Variants in NR3C2 observed in about 807,000 individuals in gnomAD.
NR3C2 encodes the protein mineralocorticoid receptor.
In NR3C2, 15 loss-of-function variants were observed where a neutral mutation model predicts 86.4. The observed-to-expected ratio is 0.17, with a 90% CI of 0.12 to 0.27. NR3C2 has a LOEUF of 0.27. Ranked by LOEUF, NR3C2 falls within the 10% of genes least tolerant of loss-of-function variation. The pLI, the probability that NR3C2 is intolerant of heterozygous loss-of-function variation, is 1.00. For missense variants in NR3C2, 960 were observed against 1,195.6 expected (o/e 0.80, Z 2.91); for synonymous variants, 458 against 450.5 (o/e 1.02, Z -0.21).
At chr4:148,349,475 A>C (rs61761524) in intron 2 of NR3C2, among the ~76,000 whole-genome samples, 1 of 152,144 alleles carries the variant, frequency 6.6e-6, no homozygotes. Context: ...AAAGAAAAGA[A>C]ATTGTACTCA....
At chr4:148,163,905 G>A (rs192092697) in intron 4 of NR3C2, among the ~76,000 whole-genome samples, 1 of 152,176 alleles carries the variant, frequency 6.6e-6, no homozygotes, top group Non-Finnish European at 1.5e-5. Flanking sequence ...GTGACTTATT[G>A]TAATGACATG....
chr4:148,241,333 AG>A (rs67086243), intron 3 of NR3C2, among the ~76,000 whole-genome samples: 12,851 of 91,120 alleles, frequency 0.14, 4,382 homozygotes, highest in Non-Finnish European at 0.19. Flanking sequence ...AAAAAAAAAA[AG>A]GGGAAAAATA....
At chr4:148,352,139 C>T (rs936207743) in intron 2 of NR3C2, among the ~76,000 whole-genome samples, 5 of 152,104 alleles carry the variant, frequency 3.3e-5, no homozygotes, top group South Asian at 2.1e-4. Flanking sequence ...ATGTATTTTG[C>T]GACATAAGTC....
chr4:148,093,361 C>T (rs7661326), intron 8 of NR3C2, among the ~76,000 whole-genome samples: 2,708 of 152,306 alleles, frequency 0.018, 37 homozygotes, highest in Middle Eastern at 0.034. Context: ...CCTTGCTGCA[C>T]ATCTGGGGCC....
At chr4:148,083,710 G>A (rs924664571) in intron 8 of NR3C2, among the ~76,000 whole-genome samples, 3 of 152,108 alleles carry the variant, frequency 2.0e-5, no homozygotes, top group African/African-American at 7.2e-5. Flanking sequence ...ACAGAAGTAG[G>A]CTTCAGAAGG....
chr4:148,134,639 CTCTCT>C (rs1233988098), intron 6 of NR3C2, among the ~76,000 whole-genome samples: 5 of 58,056 alleles, frequency 8.6e-5, no homozygotes, highest in Admixed American at 6.9e-4. Flanking sequence ...CTCTCTCTCT[CTCTCT>C]TTTTTTTTTT....
At chr4:148,209,335 G>A (rs959937542) in intron 3 of NR3C2, among the ~76,000 whole-genome samples, 2 of 152,092 alleles carry the variant, frequency 1.3e-5, no homozygotes, top group Non-Finnish European at 2.9e-5. Context: ...GTGCAATCAC[G>A]GGTGGGCTAT....
intron 3 of NR3C2, among the ~76,000 whole-genome samples, chr4:148,206,114 G>A (rs1736990956): frequency 6.6e-6 from 1 of 152,158 alleles, no homozygotes; most frequent in African/African-American, 2.4e-5. Flanking sequence ...TAATGGCAAA[G>A]GGACCAGTGA....
chr4:148,416,743 T>C (rs565657350), intron 2 of NR3C2, among the ~76,000 whole-genome samples: 3 of 152,340 alleles, frequency 2.0e-5, no homozygotes, highest in Non-Finnish European at 4.4e-5. Context: ...ATTAAACAGT[T>C]TAGAAGTTCA....
At chr4:148,343,408 A>G (rs1473276841) in intron 2 of NR3C2, among the ~76,000 whole-genome samples, 2 of 109,106 alleles carry the variant, frequency 1.8e-5, no homozygotes, top group African/African-American at 6.9e-5. Flanking sequence ...CGCCCCCCCG[A>G]CCCCCCCTTT....
intron 3 of NR3C2, among the ~76,000 whole-genome samples, chr4:148,214,959 GGCATGCAGCCTGGGGCT>G (rs1258274395): frequency 2.0e-5 from 3 of 150,190 alleles, no homozygotes; most frequent in Admixed American, 1.3e-4. Flanking sequence ...AGAGCACCCA[GGCATGCAGCCTGGGGCT>G]GCGTGCAGCC....
intron 2 of NR3C2, among the ~76,000 whole-genome samples, chr4:148,412,999 C>T (rs532833912): frequency 3.3e-5 from 5 of 152,302 alleles, no homozygotes; most frequent in Admixed American, 1.3e-4. Flanking sequence ...AGACAGCAAT[C>T]TCAATCTGCA....
At chr4:148,135,458 A>G (rs148245261) in intron 6 of NR3C2, among the ~76,000 whole-genome samples, 128 of 152,284 alleles carry the variant, frequency 8.4e-4, no homozygotes, top group Middle Eastern at 6.8e-3. Context: ...CCCTTACCAC[A>G]CATTGAACCT....
At chr4:148,139,180 G>A (rs1328957891) in intron 6 of NR3C2, among the ~76,000 whole-genome samples, 3 of 152,162 alleles carry the variant, frequency 2.0e-5, no homozygotes, top group Admixed American at 6.5e-5. Flanking sequence ...AGGCTCCAAA[G>A]CTCTATACTG....
rs193072966 is a variant in NR3C2, at chr4:148,240,771, A to G, written c.1897+19207T>C. On this transcript the variant is annotated intron_variant, in intron 3 of 8. Transcript: ENST00000358102. ...TATTCCAGACTAAAGGTCTGGGAAC[A>G]AAGGAACACATCTGCCCGTCCTTGC... Among the ~76,000 whole-genome samples the G allele has an allele frequency of 1.1e-3, 167 of 152,308 alleles. 1 individual carries two copies. Among genetic ancestry groups the G allele is most frequent in the African/African-American group, 3.9e-3 (162 of 41,574 alleles).
chr4:148,233,895 GAC>G (rs1372258352), intron 3 of NR3C2, among the ~76,000 whole-genome samples: 1 of 152,122 alleles, frequency 6.6e-6, no homozygotes, highest in Non-Finnish European at 1.5e-5. Flanking sequence ...ACTAAAATGT[GAC>G]ACAGAGACAT....
intron 5 of NR3C2, among the ~76,000 whole-genome samples, 174 bp downstream of exon 5, chr4:148,154,377 A>G (rs1056649118): frequency 1.3e-5 from 2 of 152,346 alleles, no homozygotes; most frequent in East Asian, 1.9e-4. Context: ...GGAAGAAATG[A>G]GCACATTAAC....
intron 6 of NR3C2, among the ~76,000 whole-genome samples, chr4:148,125,725 A>T (rs1381246609): frequency 6.6e-6 from 1 of 152,236 alleles, no homozygotes; most frequent in Non-Finnish European, 1.5e-5. Context: ...AAAGAATATG[A>T]TAAACAAGTG....
intron 2 of NR3C2, among the ~76,000 whole-genome samples, chr4:148,321,348 T>C (rs1056361481): frequency 6.6e-6 from 1 of 151,634 alleles, no homozygotes; most frequent in African/African-American, 2.4e-5. Flanking sequence ...AAAAAATGTA[T>C]ATTCTGTTGC....
Sources: allele counts gnomAD v4.1 joint callset (sites outside exome capture counted in the v4.1 genomes callset), GRCh38; gene constraint gnomAD v4.1.1; transcripts MANE v1.5; gene names NCBI Gene and HGNC (gene_info 2026-07-23, HGNC 2026-07-21).